Variants in RBPJ observed in about 807,000 individuals in gnomAD.
RBPJ encodes recombining binding protein suppressor of hairless.
In RBPJ, 9 loss-of-function variants were observed where a neutral mutation model predicts 67.8. The ratio of observed to expected loss-of-function variants is 0.13; its 90% confidence interval spans 0.08 to 0.23. The LOEUF is 0.23. Among genes scored for constraint, RBPJ ranks in the 10% least tolerant of loss-of-function variants. The probability of loss-of-function intolerance (pLI) is 1.00; values close to 1 mark genes in which losing one functional copy is unlikely to be tolerated. For synonymous variants in RBPJ, 198 were observed against 203.3 expected, an observed-to-expected ratio of 0.97 and a Z score of 0.22; for missense variants, 305 against 595.6, an observed-to-expected ratio of 0.51 and a Z score of 5.08.
rs532563345 is a variant in RBPJ at position 26,414,386 on chromosome 4, CT to C, written c.156-1088del. Among the ~76,000 whole-genome samples the C allele has an allele frequency of 3.4e-4, 51 of 152,214 alleles. No homozygotes were observed. In the South Asian group the frequency reaches 7.7e-3, roughly 23 times the overall value. On this transcript the variant is annotated intron_variant, in intron 3 of 10. Transcript: ENST00000355476. ...GTTTAGCCATGTTGCCCAGGCTGGT[CT>C]CAAACTCCTGGGCTCAAGCAGTCCG... is the stretch of plus-strand genomic sequence containing the variant.
chr4:26,424,642 G>C lies in RBPJ; in HGVS notation c.646G>C (p.Glu216Gln). 1 of 1,609,688 alleles carries C rather than the reference G, an allele frequency of 6.2e-7. No individual in the cohort carries two copies. Among genetic ancestry groups the C allele is most frequent in the Non-Finnish European group, 8.5e-7 (1 of 1,176,716 alleles). ...AFFIHLLDDD[E>Q]SEGEEFTVRD... is the part of the protein sequence containing the mutation. ...TCCACCTACTGCAGTGGATGATGAT[G>C]AATCAGAAGGAGAAGAATTCACAGT... The change falls in exon 7 of 11, where the codon GAA (glutamate) becomes CAA (glutamine). Residue 216 changes from glutamate to glutamine, a missense_variant. Transcript: ENST00000355476. The surrounding 1 kb of genome is among the most constrained non-coding windows in gnomAD (Gnocchi z 5.3).
the RBPJ span, among the ~76,000 whole-genome samples, chr4:26,105,512 C>A: frequency 6.6e-6 from 1 of 151,918 alleles, no homozygotes; most frequent in Non-Finnish European, 1.5e-5. Context: ...TCTGAATAAA[C>A]AACCAAAACT....
chr4:26,401,307 C>CGGTA (rs1732771140), intron 2 of RBPJ, among the ~76,000 whole-genome samples: 1 of 152,190 alleles, frequency 6.6e-6, no homozygotes, highest in South Asian at 2.1e-4. Flanking sequence ...TAATCACTAA[C>CGGTA]GGTATGATTT....
chr4:26,121,886 T>A, the RBPJ span, among the ~76,000 whole-genome samples: 1 of 149,902 alleles, frequency 6.7e-6, no homozygotes, highest in Admixed American at 6.7e-5. Flanking sequence ...TTTTTTTTTT[T>A]TTTTTTTTTG....
At chr4:26,323,038 C>T (rs1723254906) in intron 1 of RBPJ, 1 of 150,796 alleles carries the variant, frequency 6.6e-6, no homozygotes, top group East Asian at 1.9e-4. Context: ...AGGGGACATA[C>T]GAGATCTACT....
intron 2 of RBPJ, among the ~76,000 whole-genome samples, chr4:26,396,103 A>G (rs1389976647): frequency 6.6e-6 from 1 of 152,226 alleles, no homozygotes; most frequent in Non-Finnish European, 1.5e-5. Flanking sequence ...CAACCTAGTC[A>G]TGTATTTTGT....
intron 2 of RBPJ, among the ~76,000 whole-genome samples, chr4:26,393,635 A>G (rs1309823638): frequency 6.6e-6 from 1 of 152,172 alleles, no homozygotes; most frequent in Non-Finnish European, 1.5e-5. Flanking sequence ...TCGGCCTCCC[A>G]AAGTGCTGGG....
intron 3 of RBPJ, among the ~76,000 whole-genome samples, chr4:26,411,044 A>T (rs1280206781): frequency 1.3e-5 from 2 of 152,190 alleles, no homozygotes; most frequent in Non-Finnish European, 2.9e-5. Context: ...TGAGTGTTTG[A>T]TACATATTGA....
intron 1 of RBPJ, among the ~76,000 whole-genome samples, chr4:26,263,536 C>T (rs1355998015): frequency 6.6e-6 from 1 of 152,152 alleles, no homozygotes; most frequent in Non-Finnish European, 1.5e-5. Context: ...TTGTTTCCTC[C>T]ACCAAATTTT....
chr4:26,270,417 G>GA (rs1275180375), intron 1 of RBPJ, among the ~76,000 whole-genome samples: 7 of 54,612 alleles, frequency 1.3e-4, no homozygotes, highest in South Asian at 6.2e-4. Flanking sequence ...AAGAAAGAAA[G>GA]AAAGAAAGAA....
chr4:26,215,276 AAGAG>A (rs762380146), intron 1 of RBPJ, among the ~76,000 whole-genome samples: 1 of 63,216 alleles, frequency 1.6e-5, no homozygotes, highest in Non-Finnish European at 2.8e-5. Context: ...AGGGAGGAAA[AAGAG>A]AGAGAAAGAA....
In RBPJ at chr4:26,291,828, G is replaced by A. The variant is rs1036764324; in HGVS notation, c.-166-70618G>A. On this transcript the variant is annotated intron_variant, in intron 1 of 4. Transcript: ENST00000512351. ...TGACCTCCGTTGATCCACCTGCCTC[G>A]GCCTCCCAAAGGTCTGGGATTATAG... Among the ~76,000 whole-genome samples the A allele has an allele frequency of 6.0e-5, 9 of 150,756 alleles. 1 individual carries two copies. Among genetic ancestry groups the A allele is most frequent in the Admixed American group, 2.0e-4 (3 of 15,132 alleles).
chr4:26,377,552 G>T (rs530575148), intron 1 of RBPJ, among the ~76,000 whole-genome samples: 1 of 152,192 alleles, frequency 6.6e-6, no homozygotes, highest in Non-Finnish European at 1.5e-5. Context: ...GAAGTGAGGC[G>T]TCTGAAGGAG....
Position 26,395,052 on chromosome 4 carries a change from C to T in RBPJ, c.59+8661C>T, listed in dbSNP as rs1286393439. 2.0e-5 allele frequency among the ~76,000 whole-genome samples: 3 copies of T among 152,176 alleles called. No homozygotes were observed. In the East Asian group the frequency reaches 5.8e-4, roughly 29 times the overall value. The stretch of plus-strand genomic sequence containing the variant: ...CATACCTCTCTGTTCTCACATGTAC[C>T]TCCATTGTGGCCATGGTCAGATATG... On this transcript the variant is annotated intron_variant, in intron 2 of 10. Transcript: ENST00000355476.
At chr4:26,157,607 T>G in the RBPJ span, among the ~76,000 whole-genome samples, 2 of 152,326 alleles carry the variant, frequency 1.3e-5, no homozygotes, top group South Asian at 2.1e-4. Context: ...TGCAAAACTT[T>G]CCATAAACTT....
chr4:26,242,364 G>A lies in RBPJ; in HGVS notation c.-167+78750G>A, dbSNP rs551383575. 9.7e-4 allele frequency among the ~76,000 whole-genome samples: 147 copies of A among 151,618 alleles called. 1 individual carries two copies. The highest frequency in any genetic ancestry group is 3.4e-3 in the Middle Eastern group (1 of 294). On this transcript the variant is annotated intron_variant, in intron 1 of 4. Transcript: ENST00000512351. ...TCGGGAGGCTGAGGCGGAGAATGGC[G>A]TGAACCCGAGAGGTGGAACTTGCAG... is the stretch of plus-strand genomic sequence containing the variant.
At position 26,372,127 on chromosome 4, in the gene RBPJ, A is replaced by T. The variant is rs1350832426; in HGVS notation, c.21-14226A>T. Among the ~76,000 whole-genome samples, 4 of 152,236 alleles carry T rather than the reference A, an allele frequency of 2.6e-5. No individual in the cohort carries two copies. In the East Asian group the frequency reaches 7.7e-4, roughly 29 times the overall value. On this transcript the variant is annotated intron_variant, in intron 1 of 10. Coordinates refer to ENST00000355476, the MANE Select transcript of RBPJ (RefSeq NM_015874.6). Reference sequence around the variant, plus strand: ...CTGTCTCGTTTACTTTGCTATATGAAGCCAGTTGAGGAAGCTACAGGTATA... The same window carrying T: ...CTGTCTCGTTTACTTTGCTATATGATGCCAGTTGAGGAAGCTACAGGTATA...
chr4:26,179,631 A>G (rs1716911663), intron 1 of RBPJ, among the ~76,000 whole-genome samples: 1 of 152,184 alleles, frequency 6.6e-6, no homozygotes, highest in Non-Finnish European at 1.5e-5. Context: ...GTCTCATACC[A>G]GTCAGAATGG....
chr4:26,263,613 A>T (rs989616574), intron 1 of RBPJ, among the ~76,000 whole-genome samples: 2 of 151,462 alleles, frequency 1.3e-5, no homozygotes, highest in African/African-American at 4.9e-5. Flanking sequence ...GCTCTGTCAC[A>T]CAGGCTGGAA....
Sources: gnomAD v4.1 joint callset for allele counts (sites outside exome capture counted in the v4.1 genomes callset) on GRCh38, gnomAD v4.1.1 for gene constraint, Gnocchi (gnomAD v3.1) non-coding constraint, MANE v1.5 for transcripts, NCBI Gene and HGNC (gene_info 2026-07-23, HGNC 2026-07-21) for gene names.